The following PMFBP1 variants were observed in gnomAD, a reference collection of about 807,000 sequenced individuals.
The protein encoded by PMFBP1 is polyamine modulated factor 1 binding protein 1.
A neutral mutation model predicts 137.8 loss-of-function variants in PMFBP1; 131 were observed. The observed-to-expected ratio is 0.95, with a 90% confidence interval of 0.82 to 1.10. PMFBP1 has a LOEUF of 1.10. Ranked by LOEUF, PMFBP1 falls within the 50% of genes least tolerant of loss-of-function variation. The pLI is 0.00. For synonymous variants in PMFBP1, 490 were observed against 450.4 expected, an observed-to-expected ratio of 1.09 and a Z score of -1.11; for missense variants, 1,199 against 1,175.4, an observed-to-expected ratio of 1.02 and a Z score of -0.29.
intron 5 of PMFBP1, among the ~76,000 whole-genome samples, chr16:72,143,069 A>C (rs530871191): frequency 2.9e-4 from 44 of 152,344 alleles, no homozygotes; most frequent in African/African-American, 1.0e-3. Flanking sequence ...TATTCGTGTA[A>C]TCTGCTTCAT....
chr16:72,138,882 C>T (rs1039132340), intron 7 of PMFBP1, among the ~76,000 whole-genome samples: 1 of 146,094 alleles, frequency 6.8e-6, no homozygotes, highest in Non-Finnish European at 1.5e-5. Flanking sequence ...ACTTTTGATA[C>T]TGCTTTGAAT....
intron 6 of PMFBP1, 21 bp downstream of exon 6, chr16:72,140,391 G>C: frequency 6.3e-7 from 1 of 1,597,730 alleles, no homozygotes; most frequent in Non-Finnish European, 8.6e-7. Flanking sequence ...CCAGAGACAT[G>C]TTCTAGAAGA....
chr16:72,174,231 G>A (rs984486063), upstream of PMFBP1, among the ~76,000 whole-genome samples: 2 of 152,144 alleles, frequency 1.3e-5, no homozygotes, highest in African/African-American at 2.4e-5. Context: ...CAAGTCAGGT[G>A]TGCAAAAAGA....
At chr16:72,176,310 C>A (rs565686247), upstream of PMFBP1, among the ~76,000 whole-genome samples, 1 of 152,300 alleles carries the variant, frequency 6.6e-6, no homozygotes, top group South Asian at 2.1e-4. Flanking sequence ...GAAAATGTCT[C>A]CCCCTGGCTC....
chr16:72,150,704 G>C lies in PMFBP1; in HGVS notation c.540C>G (p.Leu180=), dbSNP rs1048913897. 3.7e-6 allele frequency: 6 copies of C among 1,614,072 alleles called. No individual in the cohort carries two copies. The highest frequency in any genetic ancestry group is 5.1e-6 in the Non-Finnish European group (6 of 1,180,032). Residue 180 remains leucine (L), a synonymous_variant, in exon 5 of 21, where the codon CTC becomes CTG. Transcript: ENST00000237353. ...GGGAAGACTGGTATTTATCCCTGTA[G>C]AGGTTTAAGCTCCTCTCTAGAGAGG... The part of the protein sequence containing the change: ...KIASLERSLN[L]YRDKYQSSLS...
chr16:72,154,142 A>C, intron 4 of PMFBP1, 69 bp downstream of exon 4: 2 of 1,567,114 alleles, frequency 1.3e-6, no homozygotes, highest in South Asian at 1.2e-5. Context: ...TCTGCTTTCT[A>C]GTGGGCTTGG....
At chr16:72,189,391 C>T in the PMFBP1 span, among the ~76,000 whole-genome samples, 2 of 152,188 alleles carry the variant, frequency 1.3e-5, no homozygotes, top group South Asian at 2.1e-4. Flanking sequence ...TGTGTGACCA[C>T]GTGTGGCCCA....
chr16:72,199,098 G>A, the PMFBP1 span, among the ~76,000 whole-genome samples: 10 of 152,286 alleles, frequency 6.6e-5, no homozygotes, highest in East Asian at 1.2e-3. Context: ...GAACTAGGAC[G>A]CATGCTTCCC....
chr16:72,123,347 G>T (rs898292474), intron 18 of PMFBP1, among the ~76,000 whole-genome samples, 199 bp downstream of exon 18: 1 of 152,210 alleles, frequency 6.6e-6, no homozygotes, highest in Non-Finnish European at 1.5e-5. Flanking sequence ...GCTGTTTCCA[G>T]CTCAGCAGAG....
In PMFBP1 at chr16:72,139,389, C is replaced by G. The variant is rs140304498; in HGVS notation, c.818G>C (p.Arg273Pro). Residue 273 changes from arginine (R) to proline (P), a missense_variant, in exon 7 of 21, where the codon CGT becomes CCT. By Grantham distance (103) the Arg-to-Pro change is moderately radical. Coordinates refer to ENST00000237353, the MANE Select transcript of PMFBP1 (RefSeq NM_031293.3). ...LACSNALVLE[R>P]EKALIKLQAD... is the part of the protein sequence containing the mutation. ...TTGTAGTTTTATCAAAGCCTTTTCA[C>G]GCTCCAGAACCTGCAAATAAGCTTA... The G allele has an allele frequency of 4.3e-6, 7 of 1,613,312 alleles. No individual in the cohort carries two copies. Among genetic ancestry groups the G allele is most frequent in the Non-Finnish European group, 5.9e-6 (7 of 1,179,560 alleles).
rs3223525 is a variant in PMFBP1, at chr16:72,153,921, TACACACACAC to T, written c.414+280_414+289del. 1.6e-3 allele frequency among the ~76,000 whole-genome samples: 217 copies of T among 134,028 alleles called. 1 individual carries two copies. The highest frequency in any genetic ancestry group is 4.0e-3 in the African/African-American group (141 of 35,210). 87.9% of individuals were successfully genotyped at this position (134,028 alleles called of 152,430 possible). On this transcript the variant is annotated intron_variant, in intron 4 of 20. Transcript: ENST00000237353. ...TAATAGAATGGAGAAGATGGACTTA[TACACACACAC>T]ACACACACACACACACACACACACA...
At chr16:72,195,952 ATCTCTC>A in the PMFBP1 span, among the ~76,000 whole-genome samples, 14 of 148,970 alleles carry the variant, frequency 9.4e-5, no homozygotes, top group Non-Finnish European at 1.5e-5. Context: ...AGTGTGTTAA[ATCTCTC>A]TCTCTCTCTC....
chr16:72,166,471 T>C (rs1022186962), intron 2 of PMFBP1, among the ~76,000 whole-genome samples: 1 of 152,208 alleles, frequency 6.6e-6, no homozygotes, highest in African/African-American at 2.4e-5. Context: ...TAGTTCTTTA[T>C]GGCAGTGTGA....
Position 72,119,218 on chromosome 16 carries a change from G to T in PMFBP1, c.*120C>A. ...CAAAAGTTAGTGTCTTGCAAAATAG[G>T]CTGGGACCGTGATATACTCCTGTAA... On this transcript the variant is annotated 3_prime_UTR_variant, in exon 21 of 21. Transcript: ENST00000237353. 1 of 1,169,378 alleles carries T rather than the reference G, an allele frequency of 8.6e-7. No individual in the cohort carries two copies. The highest frequency in any genetic ancestry group is 1.3e-6 in the Non-Finnish European group (1 of 793,466). 72.4% of individuals were successfully genotyped at this position (1,169,378 alleles called of 1,614,324 possible). A position where few individuals can be genotyped will look rare whatever the true frequency, so the allele number is the denominator to read the frequency against.
At position 72,130,329 on chromosome 16, in the gene PMFBP1, G is replaced by T; in HGVS notation, c.1666C>A (p.Leu556Ile). 6.2e-7 allele frequency: 1 copy of T among 1,614,216 alleles called. No homozygotes were observed. The highest frequency in any genetic ancestry group is 8.5e-7 in the Non-Finnish European group (1 of 1,180,032). Reference protein sequence around the residue: ...RKRVEELSLELSEALRKLENS... With the variant: ...RKRVEELSLEISEALRKLENS... The stretch of plus-strand genomic sequence containing the variant: ...TCAAGCTTCCTCAGGGCTTCAGAGA[G>T]TTCTAATGACAGCTCCTCCACCCGT... Residue 556 changes from leucine (L) to isoleucine (I), a missense_variant, in exon 12 of 21, where the codon CTC becomes ATC. Leu to Ile is a conservative substitution (Grantham distance 5). Coordinates refer to ENST00000237353, the MANE Select transcript of PMFBP1 (RefSeq NM_031293.3).
chr16:72,122,317 T>C (rs2042388120), intron 19 of PMFBP1, among the ~76,000 whole-genome samples: 4 of 152,236 alleles, frequency 2.6e-5, no homozygotes. Context: ...TGGGAAGCGC[T>C]GTCCTAAGGC....
At chr16:72,127,255 A>G (rs933073352) in intron 14 of PMFBP1, among the ~76,000 whole-genome samples, 2 of 152,204 alleles carry the variant, frequency 1.3e-5, no homozygotes, top group African/African-American at 4.8e-5. Context: ...TGGCCCTGGG[A>G]ATTAGTGAGA....
intron 3 of PMFBP1, among the ~76,000 whole-genome samples, chr16:72,161,898 A>T (rs936481695): frequency 2.0e-5 from 3 of 152,162 alleles, no homozygotes; most frequent in African/African-American, 7.2e-5. Context: ...TAATCTTTAC[A>T]TCTTCAACAA....
At chr16:72,156,068 C>T (rs977496181) in intron 3 of PMFBP1, among the ~76,000 whole-genome samples, 5 of 152,094 alleles carry the variant, frequency 3.3e-5, no homozygotes, top group African/African-American at 7.2e-5. Context: ...CTCGCTGCAA[C>T]CTCCACCTCC....
Sources: allele counts gnomAD v4.1 joint callset (sites outside exome capture counted in the v4.1 genomes callset), GRCh38; gene constraint gnomAD v4.1.1; transcripts MANE v1.5; gene names NCBI Gene and HGNC (gene_info 2026-07-23, HGNC 2026-07-21).